DENND2B: variants seen among roughly 807,000 people sequenced by gnomAD.
DENND2B encodes DENN domain-containing protein 2B.
DENND2B carries 32 observed loss-of-function variants against 116.0 expected under a neutral mutation model. That is an observed-to-expected ratio of 0.28 (90% CI 0.21 to 0.37). DENND2B has a LOEUF of 0.37. DENND2B is among the 10% of genes least tolerant of loss of function. DENND2B has a pLI of 1.00. For missense variants in DENND2B, 1,276 were observed against 1,477.7 expected (o/e 0.86, Z 2.24); for synonymous variants, 588 against 583.9 (o/e 1.01, Z -0.10).
In DENND2B at chr11:8,910,399, A is replaced by G. The variant is rs554257019; in HGVS notation, c.-256+422T>C. ...GGAGGCACTTGCCTTATTCCCCATG[A>G]TGTTTTTGTTTTGAGACGAAGTCTT... On this transcript the variant is annotated intron_variant, in intron 1 of 22. Coordinates refer to the DENND2B transcript ENST00000534127. Among the ~76,000 whole-genome samples the G allele has an allele frequency of 3.0e-3, 460 of 151,642 alleles. 2 individuals are homozygous for G. Among genetic ancestry groups the G allele is most frequent in the Non-Finnish European group, 5.5e-3 (371 of 67,882 alleles).
chr11:8,814,738 T>A (rs1057017717), upstream of DENND2B, among the ~76,000 whole-genome samples: 6 of 152,224 alleles, frequency 3.9e-5, no homozygotes, highest in African/African-American at 1.4e-4. Context: ...ACTATTTTGC[T>A]AACCACCAAT....
At chr11:8,699,559 G>T (rs528419800) in intron 14 of DENND2B, among the ~76,000 whole-genome samples, 169 bp from the exon 15 acceptor site, 3 of 152,152 alleles carry the variant, frequency 2.0e-5, no homozygotes, top group Non-Finnish European at 4.4e-5. Flanking sequence ...ACTGCGTAGC[G>T]CCTCAAGGAC....
At chr11:8,801,632 G>A (rs1262185736) in intron 1 of DENND2B, among the ~76,000 whole-genome samples, 14 of 149,396 alleles carry the variant, frequency 9.4e-5, no homozygotes, top group Admixed American at 8.1e-4. Context: ...AGCCGAGATC[G>A]TGCCATTTCA....
At chr11:8,789,029 A>G (rs1183465652) in intron 1 of DENND2B, among the ~76,000 whole-genome samples, 1 of 152,204 alleles carries the variant, frequency 6.6e-6, no homozygotes, top group Non-Finnish European at 1.5e-5. Context: ...GGTATTCTCC[A>G]TTCCTTTGTA....
chr11:8,697,726 AT>A (rs2040627594), intron 16 of DENND2B, 90 bp from the exon 17 acceptor site: 2 of 794,032 alleles, frequency 2.5e-6, no homozygotes, highest in South Asian at 2.8e-5. Context: ...TGAGTAGATA[AT>A]CTCATTTATC....
chr11:8,876,612 C>T (rs1031161442), intron 2 of DENND2B, among the ~76,000 whole-genome samples: 3 of 152,078 alleles, frequency 2.0e-5, no homozygotes, highest in African/African-American at 7.2e-5. Flanking sequence ...TACAGGGGCT[C>T]ATGCCTGTAA....
Position 8,821,430 on chromosome 11 carries a change from T to TAA in DENND2B, c.-114-10097_-114-10096dup, listed in dbSNP as rs5789586. 8.9e-4 allele frequency among the ~76,000 whole-genome samples: 131 copies of TAA among 147,118 alleles called. No homozygotes were observed. In the East Asian group the frequency reaches 9.4e-3, roughly 11 times the overall value. On this transcript the variant is annotated intron_variant, in intron 4 of 6. Coordinates refer to the DENND2B transcript ENST00000524757. ...ATAGAGACCTTGTCTCTACCAAAAA[T>TAA]AAAAAAAAAAAATTAGCACAAGCCT...
intron 1 of DENND2B, among the ~76,000 whole-genome samples, chr11:8,764,957 AAAAAAAAAG>A (rs2055397576): frequency 6.6e-6 from 1 of 151,480 alleles, no homozygotes; most frequent in African/African-American, 2.4e-5. Context: ...AAAAAAAAAA[AAAAAAAAAG>A]AATTAGAAAA....
chr11:8,834,973 C>T (rs1333250443), intron 4 of DENND2B, among the ~76,000 whole-genome samples: 2 of 152,148 alleles, frequency 1.3e-5, no homozygotes, highest in African/African-American at 4.8e-5. Context: ...TGGCCAGGCA[C>T]GGTGGCTCAC....
chr11:8,840,157 A>T (rs1356813540), intron 3 of DENND2B, among the ~76,000 whole-genome samples: 1 of 152,042 alleles, frequency 6.6e-6, no homozygotes, highest in African/African-American at 2.4e-5. Flanking sequence ...CAGGGAAGCC[A>T]GCATGCCCTT....
Position 8,695,476 on chromosome 11 carries a change from A to G in DENND2B, c.3366T>C (p.Phe1122=). The G allele has an allele frequency of 4.3e-6, 7 of 1,613,944 alleles. No individual in the cohort carries two copies. The highest frequency in any genetic ancestry group is 5.9e-6 in the Non-Finnish European group (7 of 1,180,022). The change falls in exon 19 of 20, where the codon TTT becomes TTC. Residue 1122 remains phenylalanine (F), a synonymous_variant. Coordinates refer to ENST00000313726, the MANE Select transcript of DENND2B (RefSeq NM_213618.2). ...PDTEQSGMNK[F]LRGLGNKMKF... ...AAGGCCACTTACCCAAACCTCGGAG[A>G]AACTTATTCATTCCACTCTGCTCAG... is the stretch of plus-strand genomic sequence containing the variant.
At chr11:8,706,237 G>T (rs2042579184) in intron 13 of DENND2B, among the ~76,000 whole-genome samples, 1 of 152,122 alleles carries the variant, frequency 6.6e-6, no homozygotes, top group Non-Finnish European at 1.5e-5. Context: ...CAATATGGGT[G>T]GCAGAGTGAG....
rs116692050 is a variant in DENND2B, at chr11:8,722,950, G to A, written c.1477+3123C>T. On this transcript the variant is annotated intron_variant, in intron 4 of 19. Transcript: ENST00000313726. ...TACCTCTACCTTCTGCCCACACAGC[G>A]CTGACCCCTAGCTGTACTCAGCCAC... 9.0e-3 allele frequency among the ~76,000 whole-genome samples: 1,363 copies of A among 152,168 alleles called. 23 individuals are homozygous for A. Among genetic ancestry groups the A allele is most frequent in the African/African-American group, 0.032 (1,317 of 41,498 alleles).
At chr11:8,797,996 T>A (rs900288071) in intron 1 of DENND2B, among the ~76,000 whole-genome samples, 1 of 152,228 alleles carries the variant, frequency 6.6e-6, no homozygotes, top group Admixed American at 6.5e-5. Flanking sequence ...CATTAACGGC[T>A]TCTTCTCATC....
chr11:8,696,376 C>A (rs1211306093), intron 18 of DENND2B, 51 bp downstream of exon 18: 2 of 1,603,526 alleles, frequency 1.2e-6, no homozygotes, highest in East Asian at 4.5e-5. Context: ...GGTTCTTCAG[C>A]CCTGCTGTGG....
Position 8,726,999 on chromosome 11 carries a change from T to C in DENND2B, c.1341-790A>G, listed in dbSNP as rs113134039. Among the ~76,000 whole-genome samples the C allele has an allele frequency of 1.1e-3, 167 of 152,332 alleles. 1 individual carries two copies. Among genetic ancestry groups the C allele is most frequent in the African/African-American group, 3.8e-3 (158 of 41,576 alleles). On this transcript the variant is annotated intron_variant, in intron 3 of 19. Coordinates refer to ENST00000313726, the MANE Select transcript of DENND2B (RefSeq NM_213618.2). The stretch of plus-strand genomic sequence containing the variant: ...TCCTTTGGACAACCTTCCTCTCTAC[T>C]GTATAATTTCAAGACCACAGCTTGT...
intron 1 of DENND2B, among the ~76,000 whole-genome samples, chr11:8,894,507 AG>A (rs2064075302): frequency 6.6e-6 from 1 of 152,112 alleles, no homozygotes; most frequent in African/African-American, 2.4e-5. Context: ...CATCTGACAA[AG>A]GGCTAATATC....
intron 1 of DENND2B, among the ~76,000 whole-genome samples, chr11:8,801,991 TG>T (rs199653833): frequency 0.23 from 21,370 of 92,484 alleles, 2,119 homozygotes; most frequent in South Asian, 0.38. Flanking sequence ...GGCCCTCTCT[TG>T]GGGAAAAAAA....
chr11:8,727,741 G>T (rs1691360163), intron 3 of DENND2B, among the ~76,000 whole-genome samples: 1 of 152,054 alleles, frequency 6.6e-6, no homozygotes, highest in Non-Finnish European at 1.5e-5. Flanking sequence ...GTTTTCTTTG[G>T]CATATACAGT....
Sources: gnomAD v4.1 joint callset for allele counts (sites outside exome capture counted in the v4.1 genomes callset) on GRCh38, gnomAD v4.1.1 for gene constraint, MANE v1.5 for transcripts, NCBI Gene and HGNC (gene_info 2026-07-23, HGNC 2026-07-21) for gene names.